Variants in SBNO1 observed in about 807,000 individuals in gnomAD.
The protein encoded by SBNO1 is protein strawberry notch homolog 1.
In SBNO1, 23 loss-of-function variants were observed where a neutral mutation model predicts 173.6. The ratio of observed to expected loss-of-function variants is 0.13; its 90% CI spans 0.10 to 0.19. The LOEUF is 0.19. Ranked by LOEUF, SBNO1 falls within the 10% of genes least tolerant of loss-of-function variation. SBNO1 has a pLI of 1.00. For missense variants in SBNO1, 1,238 were observed against 1,671.2 expected (o/e 0.74, Z 4.52); for synonymous variants, 632 against 571.5 (o/e 1.11, Z -1.51).
intron 31 of SBNO1, among the ~76,000 whole-genome samples, chr12:123,297,098 G>C (rs999382634): frequency 5.3e-5 from 8 of 150,340 alleles, no homozygotes; most frequent in African/African-American, 1.9e-4. Context: ...GGTGGCTCAC[G>C]CCTATAATCC....
intron 28 of SBNO1, among the ~76,000 whole-genome samples, chr12:123,308,121 G>T (rs1398010200): frequency 6.6e-6 from 1 of 151,996 alleles, no homozygotes; most frequent in African/African-American, 2.4e-5. Flanking sequence ...TAGAGAACTG[G>T]CGAAATAAAA....
At position 123,298,268 on chromosome 12, in the gene SBNO1, T is replaced by C. The variant is rs561807844; in HGVS notation, c.3846-97A>G. On this transcript the variant is annotated intron_variant, in intron 30 of 31. Coordinates refer to ENST00000602398, the MANE Select transcript of SBNO1 (RefSeq NM_001167856.3). ...AAGGTCAACTCAAATTTCTTTTCTT[T>C]TCTTTTTTTTTTGTTGAGATGGAGT... 18 of 1,219,072 alleles carry C rather than the reference T, an allele frequency of 1.5e-5. No individual in the cohort carries two copies. The East Asian group carries it at 3.4e-4, about 23-fold the overall frequency. The allele number at this position is 1,219,072 out of a possible 1,614,324, so 75.5% of individuals were successfully genotyped here.
chr12:123,312,801 T>C (rs932290219), intron 24 of SBNO1, among the ~76,000 whole-genome samples: 2 of 152,010 alleles, frequency 1.3e-5, no homozygotes, highest in Admixed American at 1.3e-4. Context: ...TAAACAACTG[T>C]GAATTCATGG....
intron 1 of SBNO1, among the ~76,000 whole-genome samples, chr12:123,358,742 C>CAAAA (rs1164585887): frequency 1.8e-4 from 14 of 78,394 alleles, no homozygotes; most frequent in African/African-American, 6.1e-4. Flanking sequence ...GACTCCGTCT[C>CAAAA]AAAAAAAAAA....
At chr12:123,348,162 A>G (rs772513540) in intron 2 of SBNO1, 29 bp from the exon 3 acceptor site, 47 of 1,166,708 alleles carry the variant, frequency 4.0e-5, no homozygotes, top group African/African-American at 6.6e-5. Context: ...CAGACAAAAA[A>G]TAAAAGGACA....
At chr12:123,342,026 C>T (rs1302581329) in intron 4 of SBNO1, among the ~76,000 whole-genome samples, 3 of 149,814 alleles carry the variant, frequency 2.0e-5, no homozygotes, top group African/African-American at 4.9e-5. Flanking sequence ...TAAACAAGGC[C>T]GGCGCAGTGG....
At chr12:123,301,123 T>G (rs2048778358) in intron 30 of SBNO1, among the ~76,000 whole-genome samples, 1 of 151,274 alleles carries the variant, frequency 6.6e-6, no homozygotes, top group Non-Finnish European at 1.5e-5. Flanking sequence ...TTCTCATGCC[T>G]CAGCCTCCCA....
chr12:123,295,746 G>C lies in SBNO1; in HGVS notation c.*162C>G. 2.5e-6 allele frequency: 2 copies of C among 807,424 alleles called. No individual in the cohort carries two copies. The highest frequency in any genetic ancestry group is 4.0e-6 in the Non-Finnish European group (2 of 502,068). The allele number at this position is 807,424 out of a possible 1,614,324, so 50.0% of individuals were successfully genotyped here. ...CCACCATCAGCACTGCTGATTTTCA[G>C]TTTTGCTATCTATTCCAGGTTTGTC... is the stretch of plus-strand genomic sequence containing the variant. On this transcript the variant is annotated 3_prime_UTR_variant, in exon 32 of 32. Transcript: ENST00000602398.
At chr12:123,332,155 G>T (rs1456135497) in intron 7 of SBNO1, among the ~76,000 whole-genome samples, 1 of 152,006 alleles carries the variant, frequency 6.6e-6, no homozygotes, top group Admixed American at 6.6e-5. Context: ...AGCTCAATGT[G>T]AATACTTTCT....
chr12:123,312,872 T>C (rs963850817), intron 24 of SBNO1, among the ~76,000 whole-genome samples: 1 of 152,070 alleles, frequency 6.6e-6, no homozygotes, highest in African/African-American at 2.4e-5. Context: ...ATTATTTACC[T>C]AGGTACTTTT....
At chr12:123,329,988 C>G (rs912653323) in intron 9 of SBNO1, among the ~76,000 whole-genome samples, 1 of 152,198 alleles carries the variant, frequency 6.6e-6, no homozygotes, top group Non-Finnish European at 1.5e-5. Flanking sequence ...ATTAGCTGTA[C>G]AAATACTGAA....
intron 23 of SBNO1, among the ~76,000 whole-genome samples, chr12:123,314,240 C>T (rs1868989910): frequency 6.6e-6 from 1 of 152,006 alleles, no homozygotes; most frequent in Admixed American, 6.6e-5. Flanking sequence ...GATCTCTACT[C>T]ACTGAAACCT....
rs1871847048 is a variant in SBNO1 at position 123,336,377 on chromosome 12, C to A, written c.748+18G>T. The A allele has an allele frequency of 6.9e-7, 1 of 1,449,118 alleles. No homozygotes were observed. Among genetic ancestry groups the A allele is most frequent in the Admixed American group, 1.9e-5 (1 of 52,412 alleles). The allele number at this position is 1,449,118 out of a possible 1,614,324, so 89.8% of individuals were successfully genotyped here. A position where few individuals can be genotyped will look rare whatever the true frequency, so the allele number is the denominator to read the frequency against. ...GGAAAACTTTGATGTAAATATCTGA[C>A]AAATCCCGAAGACATACATTTTATT... On this transcript the variant is annotated intron_variant, in intron 6 of 31. Transcript: ENST00000602398.
At chr12:123,307,086 G>A (rs2048936519) in intron 28 of SBNO1, among the ~76,000 whole-genome samples, 1 of 148,260 alleles carries the variant, frequency 6.7e-6, no homozygotes, top group African/African-American at 2.5e-5. Context: ...CTACTTAAGA[G>A]GCTGAGGTGG....
In SBNO1 at chr12:123,345,350, T is replaced by C; in HGVS notation, c.458A>G (p.Gln153Arg). 10 of 1,614,184 alleles carry C rather than the reference T, an allele frequency of 6.2e-6. No homozygotes were observed. The highest frequency in any genetic ancestry group is 8.5e-6 in the Non-Finnish European group (10 of 1,179,990). The change falls in exon 4 of 32, where the codon CAG becomes CGG. Residue 153 changes from glutamine to arginine, a missense_variant. Gln to Arg is a conservative substitution (Grantham distance 43, BLOSUM62 1). Coordinates refer to ENST00000602398, the MANE Select transcript of SBNO1 (RefSeq NM_001167856.3). ...ATTATTTTTCAGTAGATCTTTAAGC[T>C]GAACTTGGTCTTTTGAAGGTGCAGA... ...MTSAPSKDQV[Q>R]LKDLLKNNSL...
chr12:123,323,882 T>A, intron 15 of SBNO1, 51 bp from the exon 16 acceptor site: 1 of 1,334,214 alleles, frequency 7.5e-7, no homozygotes. Context: ...AAAATAATTA[T>A]ATGTAAAGTA....
In SBNO1 at chr12:123,298,164, T is replaced by G; in HGVS notation, c.3853A>C (p.Asn1285His). 3.1e-6 allele frequency: 5 copies of G among 1,611,832 alleles called. No individual in the cohort carries two copies. The highest frequency in any genetic ancestry group is 4.2e-6 in the Non-Finnish European group (5 of 1,179,510). ...AGCCCCAAGCTTGCTTTTTTGCAAT[T>G]GCCGCGCCTAAGAAAAATGGGAAAG... The part of the protein sequence containing the change: ...DTCTHAYWRG[N>H]CKKASLGLVC... Residue 1285 changes from asparagine (N) to histidine (H), a missense_variant, in exon 31 of 32, where the codon AAT (asparagine) becomes CAT (histidine). This residue lies in a region of SBNO1 where 351 missense variants were observed against 420.3 expected (regional missense o/e 0.84). Coordinates refer to ENST00000602398, the MANE Select transcript of SBNO1 (RefSeq NM_001167856.3).
intron 1 of SBNO1, 197 bp downstream of exon 1, chr12:123,364,504 A>C (rs28627651): frequency 0.96 from 946,762 of 984,812 alleles, 455,289 homozygotes; most frequent in Non-Finnish European, 0.96. Context: ...AGTACAACGG[A>C]GCCGCCGTCG....
Position 123,289,811 on chromosome 12 carries a change from A to G in SBNO1, c.*6097T>C, listed in dbSNP as rs1053621542. 2.0e-5 allele frequency: 3 copies of G among 152,252 alleles called. No individual in the cohort carries two copies. Among genetic ancestry groups the G allele is most frequent in the Non-Finnish European group, 4.4e-5 (3 of 68,050 alleles). 9.4% of individuals were successfully genotyped at this position (152,252 alleles called of 1,614,324 possible). ...AGAAAAAAAGCTCTCTCTGCCCCAT[A>G]AAGTGGGAGTCAGAAAGAGGGCTCA... On this transcript the variant is annotated 3_prime_UTR_variant, in exon 32 of 32. Coordinates refer to ENST00000602398, the MANE Select transcript of SBNO1 (RefSeq NM_001167856.3).
Sources: allele counts gnomAD v4.1 joint callset (sites outside exome capture counted in the v4.1 genomes callset), GRCh38; gene constraint gnomAD v4.1.1; regional missense constraint gnomAD v4.1.1; transcripts MANE v1.5; gene names NCBI Gene and HGNC (gene_info 2026-07-23, HGNC 2026-07-21).